The following RAB14 variants were observed in gnomAD, a reference collection of about 807,000 sequenced individuals.
RAB14 encodes RAB14, member RAS oncogene family.
In RAB14, 3 loss-of-function variants were observed where a neutral mutation model predicts 31.1. The ratio of observed to expected loss-of-function variants is 0.10; its 90% confidence interval spans 0.04 to 0.25. The LOEUF is 0.25. Among genes scored for constraint, RAB14 ranks in the 10% least tolerant of loss-of-function variants. RAB14 has a pLI of 1.00. For synonymous variants in RAB14, 85 were observed against 84.9 expected (o/e 1.00, Z 0.00); for missense variants, 111 against 260.1 (o/e 0.43, Z 3.94).
rs111772853 is a variant in RAB14, at chr9:121,186,484, C to A, written c.351+469G>T. On this transcript the variant is annotated intron_variant, in intron 5 of 7. Coordinates refer to ENST00000373840, the MANE Select transcript of RAB14 (RefSeq NM_016322.4). ...TGGTTAAGAAGCTAATGTTTTAACA[C>A]ATATAGAATCCTTTTTATTTTTGAC... Among the ~76,000 whole-genome samples, 1,304 of 152,228 alleles carry A rather than the reference C, an allele frequency of 8.6e-3. 23 individuals are homozygous for A. The highest frequency in any genetic ancestry group is 0.03 in the African/African-American group (1,241 of 41,538).
At chr9:121,190,838 G>A in intron 3 of RAB14, 107 bp from the exon 4 acceptor site, 1 of 1,047,332 alleles carries the variant, frequency 9.5e-7, no homozygotes, top group South Asian at 1.7e-5. Flanking sequence ...ATACTTACAG[G>A]CTATAAATAG....
intron 1 of RAB14, among the ~76,000 whole-genome samples, chr9:121,201,432 G>GA (rs1214296704): frequency 6.6e-6 from 1 of 151,980 alleles, no homozygotes; most frequent in African/African-American, 2.4e-5. Context: ...CCGCGCAGGG[G>GA]ACACCTCCGC....
rs956860967 is a variant in RAB14, at chr9:121,193,221, A to G, written c.52+140T>C. 3 of 589,570 alleles carry G rather than the reference A, an allele frequency of 5.1e-6. No homozygotes were observed. The African/African-American group carries it at 6.0e-5, about 12-fold the overall frequency. The allele number at this position is 589,570 out of a possible 1,614,324, so 36.5% of individuals were successfully genotyped here. On this transcript the variant is annotated intron_variant, in intron 2 of 7. Transcript: ENST00000373840. Reference sequence around the variant, plus strand: ...CAAAAGCTGCATTGCTAATGCAAAAATAAATCTTATAAAAGGAGTTTTAGT... The same window carrying G: ...CAAAAGCTGCATTGCTAATGCAAAAGTAAATCTTATAAAAGGAGTTTTAGT...
intron 1 of RAB14, among the ~76,000 whole-genome samples, chr9:121,200,021 A>G (rs771889000): frequency 3.3e-5 from 5 of 152,362 alleles, no homozygotes; most frequent in Admixed American, 6.5e-5. Context: ...TTTAAACCCC[A>G]TTTAATCCTA....
Position 121,193,393 on chromosome 9 carries a change from T to C in RAB14, c.20A>G (p.Asn7Ser). The change falls in exon 2 of 8, where the codon AAC becomes AGC. Residue 7 changes from asparagine to serine, a missense_variant. Transcript: ENST00000373840. ...AATATATTTAAAGATGTAAGAGTAGTTGTATGGTGCAGTTGCCATGGTGGC... is the reference window on the plus strand; with the variant it reads ...AATATATTTAAAGATGTAAGAGTAGCTGTATGGTGCAGTTGCCATGGTGGC... MATAPY[N>S]YSYIFKYIII... is the part of the protein sequence containing the mutation. The C allele has an allele frequency of 6.3e-7, 1 of 1,587,790 alleles. No homozygotes were observed. The highest frequency in any genetic ancestry group is 1.9e-5 in the Admixed American group (1 of 53,998).
Position 121,181,299 on chromosome 9 carries a change from C to G in RAB14, c.*97G>C. On this transcript the variant is annotated 3_prime_UTR_variant, in exon 8 of 8. Coordinates refer to ENST00000373840, the MANE Select transcript of RAB14 (RefSeq NM_016322.4). The stretch of plus-strand genomic sequence containing the variant: ...AGTTTTTTCTTTTTTTTTAATTAAA[C>G]CCAGTAAGATGTACAGAAGACAATG... 8.2e-7 allele frequency: 1 copy of G among 1,215,766 alleles called. No individual in the cohort carries two copies. Among genetic ancestry groups the G allele is most frequent in the South Asian group, 2.4e-5 (1 of 40,864 alleles). The allele number at this position is 1,215,766 out of a possible 1,614,324, so 75.3% of individuals were successfully genotyped here. A position where few individuals can be genotyped will look rare whatever the true frequency, so the allele number is the denominator to read the frequency against.
intron 1 of RAB14, among the ~76,000 whole-genome samples, chr9:121,200,049 C>A (rs567036928): frequency 6.6e-6 from 1 of 152,216 alleles, no homozygotes; most frequent in South Asian, 2.1e-4. Context: ...CTCTAAGATG[C>A]AGGTCCAATT....
intron 1 of RAB14, among the ~76,000 whole-genome samples, chr9:121,199,396 C>T (rs189142823): frequency 6.6e-6 from 1 of 152,344 alleles, no homozygotes; most frequent in Admixed American, 6.5e-5. Context: ...ATTTGTCAAA[C>T]TGTTGTCTTT....
intron 5 of RAB14, among the ~76,000 whole-genome samples, chr9:121,183,781 C>T (rs2053645753): frequency 6.6e-6 from 1 of 152,132 alleles, no homozygotes; most frequent in Admixed American, 6.5e-5. Context: ...CTGAATGTGG[C>T]CCACAGGCCA....
intron 1 of RAB14, among the ~76,000 whole-genome samples, chr9:121,197,927 T>C (rs780838630): frequency 1.3e-5 from 2 of 152,138 alleles, no homozygotes; most frequent in Non-Finnish European, 2.9e-5. Flanking sequence ...ACCATTTTGA[T>C]TGATATGCAT....
chr9:121,193,964 G>C (rs1180209055), intron 1 of RAB14, among the ~76,000 whole-genome samples: 1 of 152,026 alleles, frequency 6.6e-6, no homozygotes, highest in Non-Finnish European at 1.5e-5. Flanking sequence ...AAGAGCAATC[G>C]TATGATTTCC....
In RAB14 at chr9:121,192,171, AT is replaced by A. The variant is rs1564320972; in HGVS notation, c.105del (p.Lys35AsnfsTer18). 8.9e-6 allele frequency: 14 copies of A among 1,576,718 alleles called. No individual in the cohort carries two copies. The highest frequency in any genetic ancestry group is 1.7e-5 in the Admixed American group (1 of 58,784). ...TGTTTACCTCATGTATTGAACTTAC[AT>A]TTTTTTTCTGTAAATTGATGAAGCA... ...SCLLHQFTEKKFMADCPHTIG... is the reference protein window; with the variant it reads ...SCLLHQFTEKXFMADCPHTIG... On this transcript the variant is annotated frameshift_variant and splice_region_variant, in exon 3 of 8. Transcript: ENST00000373840. LOFTEE classifies it high-confidence loss of function.
intron 1 of RAB14, among the ~76,000 whole-genome samples, chr9:121,201,315 T>C (rs2132035544): frequency 6.6e-6 from 1 of 152,126 alleles, no homozygotes; most frequent in South Asian, 2.1e-4. Context: ...GATGCGGTCC[T>C]GCCCAGCCGC....
At chr9:121,192,892 CTT>C (rs935483193) in intron 2 of RAB14, among the ~76,000 whole-genome samples, 1 of 151,964 alleles carries the variant, frequency 6.6e-6, no homozygotes, top group Non-Finnish European at 1.5e-5. Flanking sequence ...AGCATTAAGA[CTT>C]AATTTGAGCA....
At chr9:121,193,442 T>C (rs1278158922) in intron 1 of RAB14, 23 bp from the exon 2 acceptor site, 1 of 1,511,502 alleles carries the variant, frequency 6.6e-7, no homozygotes, top group Non-Finnish European at 9.0e-7. Context: ...AAATCTCTGT[T>C]ACTTCAGAAG....
At chr9:121,195,819 A>AG (rs1291502882) in intron 1 of RAB14, among the ~76,000 whole-genome samples, 1 of 152,116 alleles carries the variant, frequency 6.6e-6, no homozygotes, top group Non-Finnish European at 1.5e-5. Context: ...CACTCACAAC[A>AG]GGTCTTCCCT....
At chr9:121,201,274 G>A (rs965120913) in intron 1 of RAB14, among the ~76,000 whole-genome samples, 48 of 152,144 alleles carry the variant, frequency 3.2e-4, no homozygotes, top group Non-Finnish European at 2.2e-4. Context: ...TGCGGCCGCG[G>A]GGAACAGCGG....
At chr9:121,193,244 A>T in intron 2 of RAB14, 117 bp downstream of exon 2, 1 of 662,032 alleles carries the variant, frequency 1.5e-6, no homozygotes, top group Non-Finnish European at 2.5e-6. Context: ...AAGGAGTTTT[A>T]GTTTTACAGT....
At chr9:121,189,111 T>C (rs1325173351) in intron 4 of RAB14, among the ~76,000 whole-genome samples, 10 of 152,158 alleles carry the variant, frequency 6.6e-5, no homozygotes, top group African/African-American at 2.2e-4. Flanking sequence ...ATCTATGTTG[T>C]GGCCTGTATC....
Sources: allele counts gnomAD v4.1 joint callset (sites outside exome capture counted in the v4.1 genomes callset), GRCh38; gene constraint gnomAD v4.1.1; transcripts MANE v1.5; gene names NCBI Gene and HGNC (gene_info 2026-07-23, HGNC 2026-07-21).